MGAT5: variants seen among roughly 807,000 people sequenced by gnomAD.
MGAT5 encodes alpha-1,6-mannosylglycoprotein 6-beta-N-acetylglucosaminyltransferase A.
Under a neutral mutation model 94.3 loss-of-function variants are expected in MGAT5, and 30 were observed. The observed-to-expected ratio is 0.32, with a 90% CI of 0.24 to 0.43. MGAT5 has a LOEUF of 0.43. Among genes scored for constraint, MGAT5 ranks in the 20% least tolerant of loss-of-function variants. The probability of loss-of-function intolerance (pLI) is 1.00; values close to 1 mark genes in which losing one functional copy is unlikely to be tolerated. For missense variants in MGAT5, 691 were observed against 905.5 expected (o/e 0.76, Z 3.04); for synonymous variants, 310 against 322.9 (o/e 0.96, Z 0.43).
intron 10 of MGAT5, among the ~76,000 whole-genome samples, chr2:134,364,200 T>G (rs1680272963): frequency 6.6e-6 from 1 of 152,224 alleles, no homozygotes; most frequent in Non-Finnish European, 1.5e-5. Flanking sequence ...GACTTTTCCA[T>G]GCCAGTAGGA....
At chr2:134,163,096 G>A (rs114025089) in intron 1 of MGAT5, among the ~76,000 whole-genome samples, 1,668 of 152,278 alleles carry the variant, frequency 0.011, 34 homozygotes, top group African/African-American at 0.038. Context: ...AGTCTGCTTA[G>A]GAGAGTTACT....
chr2:134,202,907 TCAAACAGG>T (rs1344895086), intron 1 of MGAT5, among the ~76,000 whole-genome samples: 4 of 151,796 alleles, frequency 2.6e-5, no homozygotes, highest in African/African-American at 7.3e-5. Flanking sequence ...TCATGCGGAG[TCAAACAGG>T]CATTTCATCA....
intron 10 of MGAT5, among the ~76,000 whole-genome samples, chr2:134,381,536 C>CAGATAGAT (rs57978433): frequency 0.018 from 2,649 of 146,932 alleles, 92 homozygotes; most frequent in Admixed American, 0.074. Flanking sequence ...GACAGACAGA[C>CAGATAGAT]AGATAGATAG....
intron 4 of MGAT5, among the ~76,000 whole-genome samples, chr2:134,328,930 T>G (rs1056755454): frequency 6.6e-6 from 1 of 151,824 alleles, no homozygotes; most frequent in Non-Finnish European, 1.5e-5. Context: ...GGGTTTCAAG[T>G]AGAAGGAAGA....
At chr2:134,343,326 G>C (rs1422712843) in intron 7 of MGAT5, among the ~76,000 whole-genome samples, 9 of 152,166 alleles carry the variant, frequency 5.9e-5, no homozygotes, top group Non-Finnish European at 1.0e-4. Flanking sequence ...ATTATAACCA[G>C]TGATTTGAAG....
intron 1 of MGAT5, among the ~76,000 whole-genome samples, chr2:134,241,412 AT>A (rs1249853381): frequency 6.6e-6 from 1 of 152,234 alleles, no homozygotes; most frequent in Non-Finnish European, 1.5e-5. Context: ...AACATGGGAC[AT>A]TTTGTCTAAT....
intron 1 of MGAT5, among the ~76,000 whole-genome samples, chr2:134,189,663 G>A (rs987984514): frequency 6.3e-5 from 9 of 143,076 alleles, no homozygotes; most frequent in Non-Finnish European, 1.1e-4. Context: ...GTGCAATGGC[G>A]TGATCTTGGC....
intron 4 of MGAT5, among the ~76,000 whole-genome samples, chr2:134,325,842 G>A (rs1687609208): frequency 6.6e-6 from 1 of 151,992 alleles, no homozygotes; most frequent in Non-Finnish European, 1.5e-5. Flanking sequence ...TTGCCTTAGA[G>A]TTTGTCTTAC....
intron 1 of MGAT5, among the ~76,000 whole-genome samples, chr2:134,179,865 T>G (rs903067410): frequency 1.4e-4 from 21 of 152,106 alleles, no homozygotes; most frequent in Non-Finnish European, 2.9e-4. Context: ...AAGATACAGG[T>G]CACAAAGACC....
intron 4 of MGAT5, among the ~76,000 whole-genome samples, chr2:134,327,498 A>G (rs1035704001): frequency 5.3e-5 from 8 of 152,108 alleles, no homozygotes; most frequent in Non-Finnish European, 1.2e-4. Context: ...CTAAGTGACT[A>G]ATGTGAGTGG....
intron 1 of MGAT5, among the ~76,000 whole-genome samples, chr2:134,245,710 G>C (rs1348452894): frequency 1.3e-5 from 2 of 152,142 alleles, no homozygotes; most frequent in Non-Finnish European, 2.9e-5. Flanking sequence ...AGAACAGCTG[G>C]GGTAGGTGTG....
At chr2:134,204,804 G>T (rs1441317772) in intron 1 of MGAT5, among the ~76,000 whole-genome samples, 1 of 152,174 alleles carries the variant, frequency 6.6e-6, no homozygotes, top group East Asian at 1.9e-4. Flanking sequence ...CCCTCAGTGA[G>T]CATATAGTTT....
intron 2 of MGAT5, among the ~76,000 whole-genome samples, chr2:134,297,619 A>C (rs1685754954): frequency 6.6e-6 from 1 of 152,228 alleles, no homozygotes; most frequent in South Asian, 2.1e-4. Flanking sequence ...TCCATAATAG[A>C]ACAAAGGTCA....
rs573598548 is a variant in MGAT5 at position 134,346,392 on chromosome 2, G to T, written c.1112+1328G>T. Among the ~76,000 whole-genome samples the T allele has an allele frequency of 5.3e-5, 8 of 152,244 alleles. No individual in the cohort carries two copies. The East Asian group carries it at 1.5e-3, about 29-fold the overall frequency. Reference sequence around the variant, plus strand: ...TTATGGATGAGTGTAATGTTTATCTGCCTTTCTTTAATAAATCATCTATGT... The same window carrying T: ...TTATGGATGAGTGTAATGTTTATCTTCCTTTCTTTAATAAATCATCTATGT... On this transcript the variant is annotated intron_variant, in intron 8 of 15. Transcript: ENST00000281923.
intron 10 of MGAT5, among the ~76,000 whole-genome samples, chr2:134,385,847 T>C (rs2106224293): frequency 6.6e-6 from 1 of 152,306 alleles, no homozygotes; most frequent in South Asian, 2.1e-4. Context: ...GATAAATGCT[T>C]ATTGAAAGGA....
intron 10 of MGAT5, among the ~76,000 whole-genome samples, chr2:134,388,507 G>A (rs1296115985): frequency 2.6e-5 from 4 of 151,604 alleles, no homozygotes; most frequent in African/African-American, 9.7e-5. Flanking sequence ...GAAATATACA[G>A]GGTTCAGATT....
At chr2:134,392,748 G>T (rs1192043642) in intron 10 of MGAT5, among the ~76,000 whole-genome samples, 1 of 152,246 alleles carries the variant, frequency 6.6e-6, no homozygotes, top group African/African-American at 2.4e-5. Flanking sequence ...GAGTGCCTCA[G>T]CAAGGAAATT....
At chr2:134,423,012 C>A in intron 13 of MGAT5, 93 bp downstream of exon 13, 2 of 878,374 alleles carry the variant, frequency 2.3e-6, no homozygotes, top group East Asian at 2.5e-5. Flanking sequence ...GCAAACAGAT[C>A]TTTACCACAT....
At chr2:134,190,785 A>G (rs1417079816) in intron 1 of MGAT5, among the ~76,000 whole-genome samples, 2 of 152,056 alleles carry the variant, frequency 1.3e-5, no homozygotes, top group East Asian at 1.9e-4. Context: ...AGCTAGGACT[A>G]CAGGTGCATG....
Sources: gnomAD v4.1 joint callset for allele counts (sites outside exome capture counted in the v4.1 genomes callset) on GRCh38, gnomAD v4.1.1 for gene constraint, MANE v1.5 for transcripts, NCBI Gene and HGNC (gene_info 2026-07-23, HGNC 2026-07-21) for gene names.